The following SBK1 variants were observed in gnomAD, a reference collection of about 807,000 sequenced individuals.
The protein encoded by SBK1 is SH3 domain binding kinase 1.
Under a neutral mutation model 24.4 loss-of-function variants are expected in SBK1, and 11 were observed. That is an observed-to-expected ratio of 0.45 (90% CI 0.28 to 0.75). The LOEUF is 0.75. Ranked by LOEUF, SBK1 falls within the 30% of genes least tolerant of loss-of-function variation. The probability of loss-of-function intolerance (pLI) is 0.12; values close to 1 mark genes in which losing one functional copy is unlikely to be tolerated. For synonymous variants in SBK1, 308 were observed against 284.4 expected, an observed-to-expected ratio of 1.08 and a Z score of -0.83; for missense variants, 467 against 620.5, an observed-to-expected ratio of 0.75 and a Z score of 2.63.
In SBK1 at chr16:28,296,160, T is replaced by C. The variant is rs542117744; in HGVS notation, c.-8+2860T>C. On this transcript the variant is annotated intron_variant, in intron 1 of 3. Coordinates refer to ENST00000341901, the MANE Select transcript of SBK1 (RefSeq NM_001024401.3). ...CCCAGGCTGAAGTGTCGTGGCACAA[T>C]CTCGGCTCGCTGCGACCTCCACCTC... Among the ~76,000 whole-genome samples the C allele has an allele frequency of 1.8e-3, 264 of 149,266 alleles. 1 individual carries two copies. The highest frequency in any genetic ancestry group is 2.7e-3 in the Non-Finnish European group (185 of 67,420).
chr16:28,312,905 G>A (rs112071819), intron 1 of SBK1, among the ~76,000 whole-genome samples: 1 of 152,114 alleles, frequency 6.6e-6, no homozygotes, highest in African/African-American at 2.4e-5. Context: ...AGGCTGAGGC[G>A]GGCAGATCAC....
chr16:28,262,697 C>T (rs1379314325), intron 1 of SBK1, among the ~76,000 whole-genome samples: 1 of 152,234 alleles, frequency 6.6e-6, no homozygotes, highest in Admixed American at 6.5e-5. Context: ...ACAGAAAACA[C>T]ATCTGCATTT....
chr16:28,305,949 T>G (rs966895193), intron 1 of SBK1, among the ~76,000 whole-genome samples: 3 of 152,206 alleles, frequency 2.0e-5, no homozygotes, highest in African/African-American at 7.2e-5. Flanking sequence ...GCATGTGGTG[T>G]TTTCTGTTCC....
Position 28,320,450 on chromosome 16 carries a change from C to T in SBK1, c.804C>T (p.Arg268=). The change falls in exon 4 of 4, where the codon CGC becomes CGT. Residue 268 remains arginine (R), a synonymous_variant. Transcript: ENST00000341901. This position sits in a 1 kb window ranked among gnomAD's most constrained non-coding sequence, Gnocchi z 8.5. ...ACGCCTTCTTCGAGGAGTTCGTGCGCTGGCAGCGGGGCCGCCTGCCGGGGC... is the reference window on the plus strand; with the variant it reads ...ACGCCTTCTTCGAGGAGTTCGTGCGTTGGCAGCGGGGCCGCCTGCCGGGGC... ...GADAFFEEFV[R]WQRGRLPGLP... 2 of 1,579,976 alleles carry T rather than the reference C, an allele frequency of 1.3e-6. No homozygotes were observed. Among genetic ancestry groups the T allele is most frequent in the Non-Finnish European group, 1.7e-6 (2 of 1,170,102 alleles).
chr16:28,264,827 G>A (rs1357558746), intron 1 of SBK1, among the ~76,000 whole-genome samples: 1 of 152,078 alleles, frequency 6.6e-6, no homozygotes, highest in Non-Finnish European at 1.5e-5. Context: ...ATCATGTGGA[G>A]GAGAAGCCAG....
At chr16:28,270,058 T>C (rs1166292801) in intron 1 of SBK1, among the ~76,000 whole-genome samples, 3 of 151,982 alleles carry the variant, frequency 2.0e-5, no homozygotes, top group Non-Finnish European at 4.4e-5. Flanking sequence ...GAACTATGTT[T>C]TTTCCATTTT....
intron 1 of SBK1, among the ~76,000 whole-genome samples, chr16:28,266,123 G>A (rs1454571513): frequency 6.6e-6 from 1 of 151,990 alleles, no homozygotes; most frequent in Admixed American, 6.6e-5. Flanking sequence ...ACTGTAACCC[G>A]ACACCTTGGA....
chr16:28,271,013 G>A (rs545159487), intron 1 of SBK1, among the ~76,000 whole-genome samples: 292 of 151,828 alleles, frequency 1.9e-3, no homozygotes, highest in Middle Eastern at 6.8e-3. Flanking sequence ...ACAGGCGCCC[G>A]CCACCACGCC....
At chr16:28,315,037 C>T (rs1297738236) in intron 1 of SBK1, among the ~76,000 whole-genome samples, 2 of 152,178 alleles carry the variant, frequency 1.3e-5, no homozygotes, top group Admixed American at 6.5e-5. Flanking sequence ...AGGCTGCACC[C>T]GGAAGCAGTG....
Position 28,317,727 on chromosome 16 carries a change from T to C in SBK1, c.226+110T>C. ...TGGGCCGGGGCTCTCTGGTGCTCTG[T>C]GGAAGCCAGGAGGCAGGGTCAGGGG... On this transcript the variant is annotated intron_variant, in intron 2 of 3. Coordinates refer to ENST00000341901, the MANE Select transcript of SBK1 (RefSeq NM_001024401.3). The surrounding 1 kb of genome is among the most constrained non-coding windows in gnomAD (Gnocchi z 4.2). 1.3e-6 allele frequency: 1 copy of C among 768,396 alleles called. No homozygotes were observed. The highest frequency in any genetic ancestry group is 2.2e-6 in the Non-Finnish European group (1 of 449,832). 47.6% of individuals were successfully genotyped at this position (768,396 alleles called of 1,614,324 possible). A position where few individuals can be genotyped will look rare whatever the true frequency, so the allele number is the denominator to read the frequency against.
At chr16:28,269,719 A>AAG (rs2044452417) in intron 1 of SBK1, among the ~76,000 whole-genome samples, 1 of 150,922 alleles carries the variant, frequency 6.6e-6, no homozygotes, top group African/African-American at 2.4e-5. Context: ...AATACAAAAA[A>AAG]AAAAAAATTA....
chr16:28,262,534 G>A (rs113404384), intron 1 of SBK1, among the ~76,000 whole-genome samples: 1,996 of 152,264 alleles, frequency 0.013, 45 homozygotes, highest in African/African-American at 0.046. Flanking sequence ...AGGCCACTGC[G>A]ATGAATGTGA....
At position 28,274,783 on chromosome 16, in the gene SBK1, A is replaced by G. The variant is rs191227685; in HGVS notation, c.257+15281A>G. 1.2e-4 allele frequency among the ~76,000 whole-genome samples: 19 copies of G among 152,340 alleles called. No individual in the cohort carries two copies. In the East Asian group the frequency reaches 3.3e-3, roughly 26 times the overall value. On this transcript the variant is annotated intron_variant, in intron 1 of 3. Transcript: ENST00000671413. Reference sequence around the variant, plus strand: ...ACACAGAGCTGTAAATAACGTTTCCACAATATGTAAACATTTCCAGTCTTA... The same window carrying G: ...ACACAGAGCTGTAAATAACGTTTCCGCAATATGTAAACATTTCCAGTCTTA...
At position 28,322,931 on chromosome 16, in the gene SBK1, C is replaced by CTCTCTCTCT. The variant is rs1184425008; in HGVS notation, c.*2010_*2011insTCTCTCTCT. 1.4e-4 allele frequency: 8 copies of CTCTCTCTCT among 55,386 alleles called. No individual in the cohort carries two copies. Among genetic ancestry groups the CTCTCTCTCT allele is most frequent in the African/African-American group, 2.5e-4 (3 of 12,210 alleles). The allele number at this position is 55,386 out of a possible 1,614,324, so 3.4% of individuals were successfully genotyped here. On this transcript the variant is annotated 3_prime_UTR_variant, in exon 4 of 4. Coordinates refer to ENST00000341901, the MANE Select transcript of SBK1 (RefSeq NM_001024401.3). ...CTCTCTCGCGCGCGCTCTCTCTCTC[C>CTCTCTCTCT]CTCTCTCTCTCTCTCTCTCTCTCTC...
chr16:28,292,627 G>A lies in SBK1; in HGVS notation c.-681G>A, dbSNP rs1240259450. Reference sequence around the variant, plus strand: ...CAGCCGGAGCCCGGGCCAGGCCGGGGGCCGGGAGCGCAGGGCCGGGCTGCT... The same window carrying A: ...CAGCCGGAGCCCGGGCCAGGCCGGGAGCCGGGAGCGCAGGGCCGGGCTGCT... On this transcript the variant is annotated 5_prime_UTR_variant, in exon 1 of 4. Coordinates refer to ENST00000341901, the MANE Select transcript of SBK1 (RefSeq NM_001024401.3). The A allele has an allele frequency of 6.1e-6, 6 of 982,726 alleles. No homozygotes were observed. The highest frequency in any genetic ancestry group is 1.8e-5 in the African/African-American group (1 of 56,848). The allele number at this position is 982,726 out of a possible 1,614,324, so 60.9% of individuals were successfully genotyped here.
intron 1 of SBK1, among the ~76,000 whole-genome samples, chr16:28,315,309 G>T (rs1462069039): frequency 1.3e-5 from 2 of 152,166 alleles, no homozygotes; most frequent in Non-Finnish European, 2.9e-5. Context: ...CGGCAGGGAT[G>T]TATACATATG....
intron 1 of SBK1, among the ~76,000 whole-genome samples, chr16:28,281,333 C>A (rs1156596039): frequency 2.6e-5 from 4 of 152,204 alleles, no homozygotes; most frequent in Admixed American, 6.5e-5. Flanking sequence ...CCAGCTCAGC[C>A]AAGCCTCCCT....
At chr16:28,283,963 G>A (rs1483376449) in intron 1 of SBK1, among the ~76,000 whole-genome samples, 1 of 152,148 alleles carries the variant, frequency 6.6e-6, no homozygotes, top group Non-Finnish European at 1.5e-5. Flanking sequence ...GCTCTCCCCG[G>A]TGACTGACAG....
At chr16:28,261,788 G>C (rs1465142323) in intron 1 of SBK1, among the ~76,000 whole-genome samples, 1 of 152,226 alleles carries the variant, frequency 6.6e-6, no homozygotes, top group East Asian at 1.9e-4. Context: ...AAGCAAACCA[G>C]CATTTGGGAA....
Sources: gnomAD v4.1 joint callset for allele counts (sites outside exome capture counted in the v4.1 genomes callset) on GRCh38, gnomAD v4.1.1 for gene constraint, Gnocchi (gnomAD v3.1) non-coding constraint, MANE v1.5 for transcripts, NCBI Gene and HGNC (gene_info 2026-07-23, HGNC 2026-07-21) for gene names.